The following NR3C2 variants were observed in gnomAD, a reference collection of about 807,000 sequenced individuals.
The protein encoded by NR3C2 is nuclear receptor subfamily 3 group C member 2.
NR3C2 carries 15 observed loss-of-function variants against 86.4 expected under a neutral mutation model. That is an observed-to-expected ratio of 0.17 (90% confidence interval 0.12 to 0.27). The LOEUF is 0.27. Among genes scored for constraint, NR3C2 ranks in the 10% least tolerant of loss-of-function variants. NR3C2 has a pLI of 1.00. For synonymous variants in NR3C2, 458 were observed against 450.5 expected (o/e 1.02, Z -0.21); for missense variants, 960 against 1,195.6 (o/e 0.80, Z 2.91).
At chr4:148,101,884 TA>T (rs34244163) in intron 8 of NR3C2, among the ~76,000 whole-genome samples, 108,436 of 150,250 alleles carry the variant, frequency 0.72, 39,237 homozygotes, top group East Asian at 0.76. Flanking sequence ...CTCTCAATAT[TA>T]AAAAAAAAAA....
rs1240093905 is a variant in NR3C2, at chr4:148,079,559, T to C, written c.*1785A>G. On this transcript the variant is annotated 3_prime_UTR_variant, in exon 9 of 9. Transcript: ENST00000358102. ...ATTATCATCATTTTTAAAAGATTAA[T>C]TTGGCCTCTATTCAAAGTAGTTTAT... The C allele has an allele frequency of 6.6e-6, 1 of 152,642 alleles. No individual in the cohort carries two copies. The highest frequency in any genetic ancestry group is 1.5e-5 in the Non-Finnish European group (1 of 68,044). The allele number at this position is 152,642 out of a possible 1,614,324, so 9.5% of individuals were successfully genotyped here. A position where few individuals can be genotyped will look rare whatever the true frequency, so the allele number is the denominator to read the frequency against.
chr4:148,224,075 G>A (rs1738010529), intron 3 of NR3C2, among the ~76,000 whole-genome samples: 2 of 151,640 alleles, frequency 1.3e-5, no homozygotes, highest in South Asian at 4.1e-4. Context: ...AAAGACCAGA[G>A]AGTCAAGAAT....
At chr4:148,201,686 T>C (rs1736726526) in intron 3 of NR3C2, among the ~76,000 whole-genome samples, 1 of 152,322 alleles carries the variant, frequency 6.6e-6, no homozygotes. Context: ...GCAGGACTTC[T>C]GGCATATCTC....
intron 2 of NR3C2, among the ~76,000 whole-genome samples, chr4:148,281,184 G>A (rs1741218482): frequency 6.6e-6 from 1 of 152,198 alleles, no homozygotes; most frequent in Non-Finnish European, 1.5e-5. Context: ...AAGGAGAGGA[G>A]CAGACTGTGG....
intron 8 of NR3C2, among the ~76,000 whole-genome samples, chr4:148,106,679 G>A (rs536700620): frequency 6.6e-6 from 1 of 152,218 alleles, no homozygotes; most frequent in East Asian, 1.9e-4. Context: ...TAGACCAATG[G>A]AACAGAACAG....
chr4:148,389,329 G>A (rs184075231), intron 2 of NR3C2, among the ~76,000 whole-genome samples: 3 of 152,312 alleles, frequency 2.0e-5, no homozygotes, highest in East Asian at 1.9e-4. Flanking sequence ...AAAGATGGCA[G>A]GTGCTTTGCC....
rs376485289 is a variant in NR3C2 at position 148,349,075 on chromosome 4, T to C, written c.1757+86029A>G. On this transcript the variant is annotated intron_variant, in intron 2 of 8. Transcript: ENST00000358102. ...AAACGATCATTAGACAGTTTTTTCA[T>C]TATTTGCTGAATTACTCAATTAATT... Among the ~76,000 whole-genome samples, 10 of 152,270 alleles carry C rather than the reference T, an allele frequency of 6.6e-5. No individual in the cohort carries two copies. The East Asian group carries it at 1.5e-3, about 24-fold the overall frequency.
chr4:148,418,109 A>G (rs1749099887), intron 2 of NR3C2, among the ~76,000 whole-genome samples: 3 of 152,228 alleles, frequency 2.0e-5, no homozygotes, highest in Admixed American at 2.0e-4. Flanking sequence ...GATTCTTCCT[A>G]TAATAAAGCC....
chr4:148,130,804 G>GTTT (rs1560936840), intron 6 of NR3C2, among the ~76,000 whole-genome samples: 5 of 49,998 alleles, frequency 1.0e-4, no homozygotes, highest in African/African-American at 2.5e-4. Context: ...TTTTTGTTTT[G>GTTT]TTTTGTTTTG....
chr4:148,209,179 G>A (rs1579014939), intron 3 of NR3C2, among the ~76,000 whole-genome samples: 1 of 151,756 alleles, frequency 6.6e-6, no homozygotes, highest in African/African-American at 2.4e-5. Flanking sequence ...AGGAGGCAGA[G>A]GTTGCAGTGA....
At chr4:148,250,289 T>C (rs1579066869) in intron 3 of NR3C2, among the ~76,000 whole-genome samples, 1 of 152,312 alleles carries the variant, frequency 6.6e-6, no homozygotes, top group Non-Finnish European at 1.5e-5. Flanking sequence ...ACCAGGGGCC[T>C]TGAAAGACTG....
At chr4:148,409,307 G>A (rs560932041) in intron 2 of NR3C2, among the ~76,000 whole-genome samples, 6 of 152,036 alleles carry the variant, frequency 3.9e-5, no homozygotes, top group Admixed American at 2.0e-4. Context: ...AAAATCTTAC[G>A]TTTATTAGCC....
At chr4:148,184,790 A>G (rs1297012505) in intron 4 of NR3C2, among the ~76,000 whole-genome samples, 1 of 152,148 alleles carries the variant, frequency 6.6e-6, no homozygotes, top group African/African-American at 2.4e-5. Context: ...CTCACATACT[A>G]CAGAGGGTAA....
intron 2 of NR3C2, among the ~76,000 whole-genome samples, chr4:148,430,516 T>C (rs72645619): frequency 1.4e-4 from 21 of 152,142 alleles, no homozygotes; most frequent in African/African-American, 5.1e-4. Context: ...TACAAAAATA[T>C]TTAAAATATT....
intron 2 of NR3C2, among the ~76,000 whole-genome samples, chr4:148,328,977 T>C (rs1376444677): frequency 6.6e-6 from 1 of 152,204 alleles, no homozygotes; most frequent in Non-Finnish European, 1.5e-5. Flanking sequence ...CTTTCATTCA[T>C]TACCATTGTA....
chr4:148,361,812 A>T (rs1359976715), intron 2 of NR3C2, among the ~76,000 whole-genome samples: 1 of 138,588 alleles, frequency 7.2e-6, no homozygotes, highest in Admixed American at 7.1e-5. Flanking sequence ...ACATAACCAG[A>T]TAACTACCCT....
At chr4:148,173,548 C>A (rs994629442) in intron 4 of NR3C2, among the ~76,000 whole-genome samples, 1 of 152,212 alleles carries the variant, frequency 6.6e-6, no homozygotes, top group Non-Finnish European at 1.5e-5. Flanking sequence ...CTCATAGAGC[C>A]TCCTCTAAGG....
intron 2 of NR3C2, among the ~76,000 whole-genome samples, chr4:148,319,836 G>A (rs1743457712): frequency 6.8e-6 from 1 of 147,162 alleles, no homozygotes; most frequent in Admixed American, 6.7e-5. Context: ...GGGACAATTT[G>A]ACTTCCTCTT....
At chr4:148,332,430 C>T (rs12506066) in intron 2 of NR3C2, among the ~76,000 whole-genome samples, 51,499 of 150,258 alleles carry the variant, frequency 0.34, 9,978 homozygotes, top group African/African-American at 0.54. Flanking sequence ...TGTCTTTTTT[C>T]CCTAATACTT....
Sources: allele counts gnomAD v4.1 joint callset (sites outside exome capture counted in the v4.1 genomes callset), GRCh38; gene constraint gnomAD v4.1.1; transcripts MANE v1.5; gene names NCBI Gene and HGNC (gene_info 2026-07-23, HGNC 2026-07-21).